EYA4: variants seen among roughly 807,000 people sequenced by gnomAD.
The protein encoded by EYA4 is EYA transcriptional coactivator and phosphatase 4, also known as protein phosphatase EYA4.
EYA4 carries 31 observed loss-of-function variants against 87.9 expected under a neutral mutation model. That is an observed-to-expected ratio of 0.35 (90% CI 0.27 to 0.48). EYA4 has a LOEUF of 0.48. Ranked by LOEUF, EYA4 falls within the 20% of genes least tolerant of loss-of-function variation. EYA4 has a pLI of 0.99. For synonymous variants in EYA4, 263 were observed against 270.6 expected, an observed-to-expected ratio of 0.97 and a Z score of 0.28; for missense variants, 678 against 761.4, an observed-to-expected ratio of 0.89 and a Z score of 1.29.
intron 6 of EYA4, among the ~76,000 whole-genome samples, chr6:133,460,426 A>AT (rs1388014268): frequency 6.6e-6 from 1 of 152,158 alleles, no homozygotes; most frequent in Non-Finnish European, 1.5e-5. Flanking sequence ...TGAACTGTTA[A>AT]TAGGACCTCA....
chr6:133,389,194 TCATAGGTCAGG>T (rs772138430), intron 3 of EYA4, among the ~76,000 whole-genome samples: 1 of 152,212 alleles, frequency 6.6e-6, no homozygotes, highest in African/African-American at 2.4e-5. Context: ...GAGCTTGATT[TCATAGGTCAGG>T]CATCTACAAA....
intron 3 of EYA4, among the ~76,000 whole-genome samples, chr6:133,389,833 G>A (rs959130800): frequency 6.6e-6 from 1 of 152,000 alleles, no homozygotes; most frequent in Non-Finnish European, 1.5e-5. Context: ...CATGTTTTTT[G>A]AATTTTCCTC....
rs35217235 is a variant in EYA4 at position 133,291,936 on chromosome 6, A to ATT, written c.33+17131_33+17132dup. On this transcript the variant is annotated intron_variant, in intron 2 of 19. Coordinates refer to ENST00000355286, the MANE Select transcript of EYA4 (RefSeq NM_004100.5). Reference sequence around the variant, plus strand: ...ATTGGCTGGGATCCCAGCTAGACTGATTTTTTTTTCCTTTTTTCGTTTGTT... The same window carrying ATT: ...ATTGGCTGGGATCCCAGCTAGACTGATTTTTTTTTTTCCTTTTTTCGTTTGTT... 6.2e-3 allele frequency among the ~76,000 whole-genome samples: 940 copies of ATT among 151,284 alleles called. 5 individuals carry two copies. The highest frequency in any genetic ancestry group is 0.021 in the South Asian group (100 of 4,780).
At chr6:133,317,956 C>T (rs553252264) in intron 2 of EYA4, among the ~76,000 whole-genome samples, 8 of 152,150 alleles carry the variant, frequency 5.3e-5, no homozygotes, top group East Asian at 3.9e-4. Flanking sequence ...ATCCTCCTTC[C>T]GTTGATCCAT....
At chr6:133,476,532 A>G (rs1218499227) in intron 11 of EYA4, among the ~76,000 whole-genome samples, 1 of 152,000 alleles carries the variant, frequency 6.6e-6, no homozygotes, top group Non-Finnish European at 1.5e-5. Flanking sequence ...AGCTTATTTC[A>G]CTTAACATAA....
chr6:133,429,852 GT>G (rs1791025530), intron 3 of EYA4, among the ~76,000 whole-genome samples: 1 of 152,088 alleles, frequency 6.6e-6, no homozygotes, highest in South Asian at 2.1e-4. Context: ...TTTTTCTTCA[GT>G]TTTCTTTTAT....
At chr6:133,417,947 T>A (rs994550203) in intron 3 of EYA4, among the ~76,000 whole-genome samples, 1 of 152,196 alleles carries the variant, frequency 6.6e-6, no homozygotes, top group African/African-American at 2.4e-5. Context: ...AAACCTGTTA[T>A]ATCAGTCTAT....
At chr6:133,373,682 A>T (rs57277548) in intron 2 of EYA4, among the ~76,000 whole-genome samples, 5,675 of 152,148 alleles carry the variant, frequency 0.037, 324 homozygotes, top group African/African-American at 0.13. Context: ...CTTTCTTGTG[A>T]CACCCAGGAC....
rs569752551 is a variant in EYA4 at position 133,337,732 on chromosome 6, G to C, written c.34-44660G>C. On this transcript the variant is annotated intron_variant, in intron 2 of 19. Coordinates refer to ENST00000355286, the MANE Select transcript of EYA4 (RefSeq NM_004100.5). The stretch of plus-strand genomic sequence containing the variant: ...ATAATAAACTCTTTTTAATTGCAAC[G>C]TTGTAAAAAACACTTTTCTATGCTG... Among the ~76,000 whole-genome samples the C allele has an allele frequency of 2.6e-5, 4 of 152,194 alleles. No homozygotes were observed. In the East Asian group the frequency reaches 7.7e-4, roughly 29 times the overall value.
chr6:133,364,322 A>G (rs563762779), intron 2 of EYA4, among the ~76,000 whole-genome samples: 1 of 152,234 alleles, frequency 6.6e-6, no homozygotes, highest in South Asian at 2.1e-4. Flanking sequence ...ATTTATATAG[A>G]TGGTAAGGGC....
chr6:133,448,196 T>G lies in EYA4; in HGVS notation c.277+17T>G. The G allele has an allele frequency of 6.3e-7, 1 of 1,580,276 alleles. No individual in the cohort carries two copies. ...CTGCAACAAGTATGAGAGATGCTGG[T>G]ACACTGCATGTGTTTGGGTGTGTGG... On this transcript the variant is annotated intron_variant, in intron 5 of 19. Transcript: ENST00000355286.
At chr6:133,483,226 GA>G (rs1796374172) in intron 13 of EYA4, 111 bp downstream of exon 13, 5 of 758,258 alleles carry the variant, frequency 6.6e-6, no homozygotes, top group Non-Finnish European at 9.0e-6. Context: ...TGCAGTCTGT[GA>G]AATCTTCTCT....
At chr6:133,506,966 A>G (rs1480585320) in intron 14 of EYA4, among the ~76,000 whole-genome samples, 1 of 152,178 alleles carries the variant, frequency 6.6e-6, no homozygotes, top group African/African-American at 2.4e-5. Flanking sequence ...GTCAAGCATA[A>G]CTATGCTGAA....
At chr6:133,473,233 G>A (rs959304890) in intron 11 of EYA4, among the ~76,000 whole-genome samples, 3 of 151,988 alleles carry the variant, frequency 2.0e-5, no homozygotes, top group Non-Finnish European at 4.4e-5. Context: ...CTTTCTAACT[G>A]GACCAGTGGG....
Position 133,523,039 on chromosome 6 carries a change from T to C in EYA4, c.1617-17T>C. On this transcript the variant is annotated splice_polypyrimidine_tract_variant and intron_variant, in intron 17 of 19. Coordinates refer to ENST00000355286, the MANE Select transcript of EYA4 (RefSeq NM_004100.5). Reference sequence around the variant, plus strand: ...TAGTATTAGAAAACAAACATGTATATTTCCTCCCTATTTTAGGAGTAACTG... The same window carrying C: ...TAGTATTAGAAAACAAACATGTATACTTCCTCCCTATTTTAGGAGTAACTG... 6.2e-7 allele frequency: 1 copy of C among 1,602,052 alleles called. No individual in the cohort carries two copies. The highest frequency in any genetic ancestry group is 8.6e-7 in the Non-Finnish European group (1 of 1,169,430).
chr6:133,383,088 C>T (rs1200253261), intron 3 of EYA4, among the ~76,000 whole-genome samples: 2 of 152,088 alleles, frequency 1.3e-5, no homozygotes, highest in Admixed American at 6.5e-5. Context: ...GTAAAAGTAT[C>T]GTAAATACTA....
rs76734742 is a variant in EYA4 at position 133,287,056 on chromosome 6, C to T, written c.33+12243C>T. On this transcript the variant is annotated intron_variant, in intron 2 of 19. Coordinates refer to ENST00000355286, the MANE Select transcript of EYA4 (RefSeq NM_004100.5). ...TCTTCTCTGTGTGTGTCGGGGGGAC[C>T]ACAGATCTACATTACATCTGTTTCC... 5.9e-3 allele frequency among the ~76,000 whole-genome samples: 894 copies of T among 152,146 alleles called. 13 individuals are homozygous for T. Among genetic ancestry groups the T allele is most frequent in the African/African-American group, 0.02 (844 of 41,486 alleles).
At chr6:133,525,598 G>A (rs1303570637) in intron 19 of EYA4, among the ~76,000 whole-genome samples, 2 of 152,092 alleles carry the variant, frequency 1.3e-5, no homozygotes, top group Non-Finnish European at 2.9e-5. Context: ...CATACAATGT[G>A]CACAGATATA....
intron 1 of EYA4, among the ~76,000 whole-genome samples, chr6:133,251,467 T>C (rs564087004): frequency 6.3e-4 from 96 of 152,250 alleles, no homozygotes; most frequent in Non-Finnish European, 9.1e-4. Context: ...AGGATGGGGC[T>C]GAAGGAAAAA....
Sources: allele counts gnomAD v4.1 joint callset (sites outside exome capture counted in the v4.1 genomes callset), GRCh38; gene constraint gnomAD v4.1.1; transcripts MANE v1.5; gene names NCBI Gene and HGNC (gene_info 2026-07-23, HGNC 2026-07-21).